ADGRG2: variants seen among roughly 807,000 people sequenced by gnomAD.
ADGRG2 encodes the protein G protein-coupled receptor 64.
ADGRG2 carries 26 observed loss-of-function variants against 74.1 expected under a neutral mutation model. The ratio of observed to expected loss-of-function variants is 0.35; its 90% confidence interval spans 0.26 to 0.49. The LOEUF (loss-of-function observed/expected upper bound fraction) is 0.49. Ranked by LOEUF, ADGRG2 falls within the 20% of genes least tolerant of loss-of-function variation. The pLI is 0.99. For missense variants in ADGRG2, 619 were observed against 763.1 expected (o/e 0.81, Z 2.22); for synonymous variants, 296 against 295.2 (o/e 1.00, Z -0.03).
At chrX:19,121,182 C>A (rs958692239) in intron 1 of ADGRG2, among the ~76,000 whole-genome samples, 3 of 111,821 alleles carry the variant, frequency 2.7e-5, no homozygotes, top group Non-Finnish European at 3.8e-5. Context: ...CTCTTCTCCC[C>A]CTCTCACAAC....
intron 1 of ADGRG2, among the ~76,000 whole-genome samples, chrX:19,121,171 C>G (rs1462985970): frequency 8.9e-6 from 1 of 111,768 alleles, no homozygotes; most frequent in Non-Finnish European, 1.9e-5. Flanking sequence ...GGCCAAGCCT[C>G]CTCTTCTCCC....
intron 9 of ADGRG2, among the ~76,000 whole-genome samples, chrX:19,029,872 G>C (rs997235470): frequency 9.0e-6 from 1 of 111,019 alleles, no homozygotes; most frequent in African/African-American, 3.3e-5. Context: ...GAGGAAAAGA[G>C]AAGAGAGTTA....
intron 1 of ADGRG2, among the ~76,000 whole-genome samples, chrX:19,118,399 T>G (rs1252688165): frequency 8.9e-6 from 1 of 112,530 alleles, no homozygotes; most frequent in Non-Finnish European, 1.9e-5. Flanking sequence ...TGTTTTTCTT[T>G]TTTGAGACAG....
chrX:19,122,305 T>C (rs1165652234), intron 1 of ADGRG2, 137 bp downstream of exon 1: 2 of 112,094 alleles, frequency 1.8e-5, no homozygotes, highest in Non-Finnish European at 3.8e-5. Flanking sequence ...GAAGGCGCGT[T>C]CGTCCCGCCG....
At chrX:19,099,010 C>A (rs1470488815) in intron 1 of ADGRG2, among the ~76,000 whole-genome samples, 2 of 111,608 alleles carry the variant, frequency 1.8e-5, no homozygotes, top group East Asian at 5.6e-4. Flanking sequence ...CATGGTGAAA[C>A]CCCATCTCTA....
rs764305953 is a variant in ADGRG2, at chrX:19,048,467, A to T, written c.119-8243T>A. On this transcript the variant is annotated intron_variant, in intron 3 of 28. Transcript: ENST00000379869. ...AAGTAACTTGCCCAAGATTACATGT[A>T]AAAGGGCAGACTAGGATGTGAGGCA... Among the ~76,000 whole-genome samples, 123 of 111,879 alleles carry T rather than the reference A, an allele frequency of 1.1e-3. 1 individual carries two copies. Among genetic ancestry groups the T allele is most frequent in the African/African-American group, 3.8e-3 (118 of 30,761 alleles).
At chrX:19,110,964 C>T (rs770397943) in intron 1 of ADGRG2, among the ~76,000 whole-genome samples, 1 of 111,182 alleles carries the variant, frequency 9.0e-6, no homozygotes, top group African/African-American at 3.3e-5. Flanking sequence ...TTCTAGGAGG[C>T]CACTACAATC....
intron 1 of ADGRG2, among the ~76,000 whole-genome samples, chrX:19,116,040 T>C (rs1007984882): frequency 9.1e-6 from 1 of 109,597 alleles, no homozygotes; most frequent in African/African-American, 3.3e-5. Context: ...GGAGACCCCG[T>C]CACTACAAAA....
intron 13 of ADGRG2, among the ~76,000 whole-genome samples, chrX:19,023,214 G>A (rs6629308): frequency 4.5e-5 from 5 of 111,581 alleles, no homozygotes; most frequent in African/African-American, 1.3e-4. Flanking sequence ...ACACTTCTCT[G>A]TACTTTGTAA....
intron 28 of ADGRG2, 36 bp downstream of exon 28, chrX:18,994,860 A>G (rs1416327006): frequency 9.1e-7 from 1 of 1,103,542 alleles, no homozygotes. Flanking sequence ...AAAAATAAAC[A>G]CTAGCTTGAG....
chrX:19,040,032 A>C (rs1025532621), intron 4 of ADGRG2, among the ~76,000 whole-genome samples, 157 bp downstream of exon 4: 9 of 112,012 alleles, frequency 8.0e-5, no homozygotes, highest in Non-Finnish European at 1.7e-4. Flanking sequence ...CCTCTGGTCT[A>C]TGCTTGCATT....
chrX:19,079,513 G>A (rs1045409099), intron 2 of ADGRG2, among the ~76,000 whole-genome samples: 1 of 112,244 alleles, frequency 8.9e-6, no homozygotes, highest in East Asian at 2.8e-4. Flanking sequence ...ACCGTAGTAA[G>A]AGAAACAACA....
intron 15 of ADGRG2, among the ~76,000 whole-genome samples, chrX:19,014,643 T>A (rs1017683473): frequency 1.8e-5 from 2 of 110,079 alleles, no homozygotes; most frequent in Admixed American, 1.9e-4. Flanking sequence ...ACCCAGAACA[T>A]TTTTTTTTGA....
chrX:19,022,447 C>A (rs2060610678), intron 13 of ADGRG2, among the ~76,000 whole-genome samples: 1 of 111,443 alleles, frequency 9.0e-6, no homozygotes, highest in African/African-American at 3.3e-5. Flanking sequence ...AATACAATTT[C>A]ATTGCCCTTA....
rs759250190 is a variant in ADGRG2 at position 19,001,789 on chromosome X, G to C, written c.2230+1057C>G. Among the ~76,000 whole-genome samples, 3 of 111,459 alleles carry C rather than the reference G, an allele frequency of 2.7e-5. No homozygotes were observed. In the South Asian group the frequency reaches 1.1e-3, roughly 42 times the overall value. ...CCTGAAAATAGAGGCAGTCTGGTTG[G>C]GGGGATGGCAGAAGGCTGCATATAA... is the stretch of plus-strand genomic sequence containing the variant. On this transcript the variant is annotated intron_variant, in intron 24 of 28. Coordinates refer to ENST00000379869, the MANE Select transcript of ADGRG2 (RefSeq NM_001079858.3).
At chrX:19,002,753 G>T in intron 24 of ADGRG2, 93 bp downstream of exon 24, 2 of 864,390 alleles carry the variant, frequency 2.3e-6, no homozygotes, top group Non-Finnish European at 3.3e-6. Context: ...TGCTGAATGT[G>T]ATCTGCTTCA....
At chrX:19,035,829 A>G (rs1056386840) in intron 7 of ADGRG2, 113 bp downstream of exon 7, 2 of 408,332 alleles carry the variant, frequency 4.9e-6, no homozygotes, top group Middle Eastern at 3.8e-4. Context: ...AAGGCACAGG[A>G]AAAAGGGCAA....
Position 18,990,894 on chromosome X carries a change from C to T in ADGRG2, c.3024G>A (p.Arg1008=), listed in dbSNP as rs768647015. 1 of 1,205,130 alleles carries T rather than the reference C, an allele frequency of 8.3e-7. No individual in the cohort carries two copies. ...TTTGCTCAATAAAGTGTAAGCTTCC[C>T]CGCTTTGAAGTCCTTCTGAGAGCCA... ...GRMALRRTSK[R]GSLHFIEQM The change falls in exon 29 of 29, where the codon CGG becomes CGA. Residue 1008 remains arginine (R), a synonymous_variant. Coordinates refer to ENST00000379869, the MANE Select transcript of ADGRG2 (RefSeq NM_001079858.3).
chrX:19,074,308 C>T (rs1348509308), intron 2 of ADGRG2, among the ~76,000 whole-genome samples: 1 of 111,279 alleles, frequency 9.0e-6, no homozygotes, highest in Non-Finnish European at 1.9e-5. Flanking sequence ...GGCATGACCA[C>T]GGTTCACTGC....
Sources: gnomAD v4.1 joint callset for allele counts (sites outside exome capture counted in the v4.1 genomes callset) on GRCh38, gnomAD v4.1.1 for gene constraint, MANE v1.5 for transcripts, NCBI Gene and HGNC (gene_info 2026-07-23, HGNC 2026-07-21) for gene names.